UBN2: variants seen among roughly 807,000 people sequenced by gnomAD.
The protein encoded by UBN2 is ubinuclein-2.
A neutral mutation model predicts 120.2 loss-of-function variants in UBN2; 35 were observed. The observed-to-expected ratio is 0.29, with a 90% CI of 0.22 to 0.39. UBN2 has a LOEUF of 0.39. Among genes scored for constraint, UBN2 ranks in the 10% least tolerant of loss-of-function variants. The pLI is 1.00. For synonymous variants in UBN2, 661 were observed against 648.7 expected, an observed-to-expected ratio of 1.02 and a Z score of -0.29; for missense variants, 1,693 against 1,663.2, an observed-to-expected ratio of 1.02 and a Z score of -0.31.
At chr7:139,278,433 C>T (rs1168161040) in intron 12 of UBN2, among the ~76,000 whole-genome samples, 1 of 152,118 alleles carries the variant, frequency 6.6e-6, no homozygotes, top group Non-Finnish European at 1.5e-5. Flanking sequence ...CCGCCTGCCT[C>T]AGCCCAAAGT....
chr7:139,326,992 C>G, the UBN2 span, among the ~76,000 whole-genome samples: 1 of 152,108 alleles, frequency 6.6e-6, no homozygotes, highest in African/African-American at 2.4e-5. Flanking sequence ...CACCCCGCAT[C>G]CTTTTAATGA....
chr7:139,253,498 G>A (rs1796675492), intron 3 of UBN2, among the ~76,000 whole-genome samples: 1 of 152,136 alleles, frequency 6.6e-6, no homozygotes, highest in African/African-American at 2.4e-5. Context: ...AAATTAATCT[G>A]GCAGACATCT....
chr7:139,278,245 G>A (rs1002727613), intron 12 of UBN2, among the ~76,000 whole-genome samples: 38 of 147,068 alleles, frequency 2.6e-4, no homozygotes, highest in Admixed American at 6.2e-4. Context: ...TCAGTGGCAC[G>A]ATCTCAACTC....
intron 2 of UBN2, among the ~76,000 whole-genome samples, chr7:139,239,059 A>T (rs962443232): frequency 1.3e-5 from 2 of 152,178 alleles, no homozygotes; most frequent in African/African-American, 2.4e-5. Context: ...AAAAATTAAA[A>T]ATCTTCCTTT....
At chr7:139,282,828 CAG>C (rs894889024) in intron 14 of UBN2, among the ~76,000 whole-genome samples, 194 bp from the exon 15 acceptor site, 1 of 152,116 alleles carries the variant, frequency 6.6e-6, no homozygotes, top group Non-Finnish European at 1.5e-5. Context: ...TGCAATATAT[CAG>C]ATACTTTGTC....
chr7:139,246,941 C>T (rs1796486405), intron 2 of UBN2, among the ~76,000 whole-genome samples: 1 of 152,064 alleles, frequency 6.6e-6, no homozygotes, highest in African/African-American at 2.4e-5. Flanking sequence ...TTATGTTCCA[C>T]CGTTGTTTAT....
chr7:139,319,378 C>T, the UBN2 span, among the ~76,000 whole-genome samples: 2 of 152,220 alleles, frequency 1.3e-5, no homozygotes, highest in East Asian at 1.9e-4. Context: ...CCACCGCACC[C>T]GGTCCACAAG....
At chr7:139,284,725 C>T (rs1166576130) in intron 15 of UBN2, 151 bp downstream of exon 15, 2 of 704,124 alleles carry the variant, frequency 2.8e-6, no homozygotes, top group African/African-American at 3.6e-5. Context: ...CTGATGCTGA[C>T]ATCACAGTGA....
intron 17 of UBN2, among the ~76,000 whole-genome samples, chr7:139,294,850 A>G (rs1798065153): frequency 6.6e-6 from 1 of 152,170 alleles, no homozygotes; most frequent in South Asian, 2.1e-4. Flanking sequence ...CAAAAAAAAA[A>G]TTAATATGAT....
chr7:139,251,586 A>T (rs961517327), intron 2 of UBN2, among the ~76,000 whole-genome samples: 1 of 152,166 alleles, frequency 6.6e-6, no homozygotes, highest in Non-Finnish European at 1.5e-5. Flanking sequence ...GTTTTGTCTG[A>T]TGGTTTTCTC....
At chr7:139,318,193 C>A in the UBN2 span, among the ~76,000 whole-genome samples, 1 of 152,184 alleles carries the variant, frequency 6.6e-6, no homozygotes, top group Non-Finnish European at 1.5e-5. Flanking sequence ...TGACATTAAC[C>A]TCCGAGCTTG....
Position 139,231,427 on chromosome 7 carries a change from A to G in UBN2, c.-58A>G. On this transcript the variant is annotated 5_prime_UTR_variant, in exon 1 of 18. Coordinates refer to ENST00000473989, the MANE Select transcript of UBN2 (RefSeq NM_173569.4). ...CAAGAGGAAGGGCGGGCAGGCACGC[A>G]GCGCGCCGTAGAAGCGAGCGCCGGC... 8.1e-7 allele frequency: 1 copy of G among 1,239,592 alleles called. No homozygotes were observed. The highest frequency in any genetic ancestry group is 1.0e-6 in the Non-Finnish European group (1 of 974,364). The allele number at this position is 1,239,592 out of a possible 1,614,324, so 76.8% of individuals were successfully genotyped here. A position where few individuals can be genotyped will look rare whatever the true frequency, so the allele number is the denominator to read the frequency against.
chr7:139,272,265 C>T, intron 8 of UBN2, 57 bp from the exon 9 acceptor site: 1 of 1,309,798 alleles, frequency 7.6e-7, no homozygotes, highest in South Asian at 1.3e-5. Context: ...TGAGGACCTG[C>T]TTACAAGATT....
At chr7:139,290,630 T>C (rs923383670) in intron 15 of UBN2, among the ~76,000 whole-genome samples, 68 of 152,208 alleles carry the variant, frequency 4.5e-4, no homozygotes, top group Non-Finnish European at 1.8e-4. Context: ...GTGCTAGATA[T>C]TCAAGTGGAA....
the UBN2 span, among the ~76,000 whole-genome samples, chr7:139,316,525 T>C: frequency 1.2e-4 from 19 of 152,300 alleles, no homozygotes; most frequent in East Asian, 2.3e-3. Context: ...CCCAGCACTT[T>C]GGGAGGCCAA....
At chr7:139,234,543 T>C (rs907682810) in intron 1 of UBN2, among the ~76,000 whole-genome samples, 1 of 152,162 alleles carries the variant, frequency 6.6e-6, no homozygotes, top group Non-Finnish European at 1.5e-5. Flanking sequence ...GGCAGTACAG[T>C]GCTGTGATTG....
intron 15 of UBN2, among the ~76,000 whole-genome samples, chr7:139,289,500 C>T (rs2131054637): frequency 6.7e-6 from 1 of 149,320 alleles, no homozygotes; most frequent in South Asian, 2.1e-4. Context: ...GCAGCTTCCG[C>T]CTCTAGGGTT....
At chr7:139,274,854 A>C (rs905141431) in intron 11 of UBN2, among the ~76,000 whole-genome samples, 1 of 152,068 alleles carries the variant, frequency 6.6e-6, no homozygotes, top group African/African-American at 2.4e-5. Flanking sequence ...TTGGAAGGCC[A>C]AGGTGGGAGG....
chr7:139,295,208 C>T (rs994430748), intron 17 of UBN2, among the ~76,000 whole-genome samples: 4 of 151,974 alleles, frequency 2.6e-5, no homozygotes, highest in Admixed American at 2.6e-4. Flanking sequence ...CATTAATCCT[C>T]TGAAAGACCT....
Sources: allele counts gnomAD v4.1 joint callset (sites outside exome capture counted in the v4.1 genomes callset), GRCh38; gene constraint gnomAD v4.1.1; transcripts MANE v1.5; gene names NCBI Gene and HGNC (gene_info 2026-07-23, HGNC 2026-07-21).